TRERF1: variants seen among roughly 807,000 people sequenced by gnomAD.
TRERF1 encodes the protein transcriptional-regulating factor 1.
Under a neutral mutation model 122.9 loss-of-function variants are expected in TRERF1, and 27 were observed. That is an observed-to-expected ratio of 0.22 (90% confidence interval 0.16 to 0.30). The LOEUF (loss-of-function observed/expected upper bound fraction) is 0.30. Among genes scored for constraint, TRERF1 ranks in the 10% least tolerant of loss-of-function variants. The probability of loss-of-function intolerance (pLI) is 1.00; values close to 1 mark genes in which losing one functional copy is unlikely to be tolerated. For synonymous variants in TRERF1, 636 were observed against 641.7 expected (o/e 0.99, Z 0.13); for missense variants, 1,248 against 1,560.3 (o/e 0.80, Z 3.37).
chr6:42,324,703 A>G (rs1763993712), intron 3 of TRERF1, among the ~76,000 whole-genome samples: 1 of 152,262 alleles, frequency 6.6e-6, no homozygotes, highest in South Asian at 2.1e-4. Flanking sequence ...AACCATATGC[A>G]GAAGATTAAA....
In TRERF1 at chr6:42,263,816, T is replaced by A. The variant is rs1054581742; in HGVS notation, c.1636-248A>T. On this transcript the variant is annotated intron_variant, in intron 7 of 17. Coordinates refer to ENST00000372922, the Ensembl canonical transcript of TRERF1. The surrounding 1 kb of genome is among the most constrained non-coding windows in gnomAD (Gnocchi z 5.6). ...GCATTACTTGTGTATTAAACTATTT[T>A]AAAAAAATTGTGTGGTTGTCATGCT... is the stretch of plus-strand genomic sequence containing the variant. 2.6e-5 allele frequency among the ~76,000 whole-genome samples: 4 copies of A among 152,194 alleles called. No homozygotes were observed. Among genetic ancestry groups the A allele is most frequent in the East Asian group, 3.8e-4 (2 of 5,202 alleles).
At chr6:42,449,803 CAGTT>C (rs1788149017) in intron 2 of TRERF1, among the ~76,000 whole-genome samples, 1 of 152,296 alleles carries the variant, frequency 6.6e-6, no homozygotes, top group Admixed American at 6.5e-5. Flanking sequence ...AATCTGACGA[CAGTT>C]AGGAAAGAAA....
At chr6:42,443,240 G>A (rs1272248591) in intron 2 of TRERF1, among the ~76,000 whole-genome samples, 1 of 152,178 alleles carries the variant, frequency 6.6e-6, no homozygotes, top group African/African-American at 2.4e-5. Context: ...TAGGTGATGA[G>A]TACAAGAGAG....
chr6:42,305,793 G>A (rs757754081), intron 3 of TRERF1, among the ~76,000 whole-genome samples: 9 of 152,076 alleles, frequency 5.9e-5, no homozygotes, highest in Non-Finnish European at 8.8e-5. Flanking sequence ...AATTAAATGT[G>A]AGACAGGCTC....
chr6:42,239,740 G>C (rs1773193296), intron 15 of TRERF1, among the ~76,000 whole-genome samples: 1 of 151,960 alleles, frequency 6.6e-6, no homozygotes, highest in Non-Finnish European at 1.5e-5. Flanking sequence ...CCCTCCCCAG[G>C]ATCCCCATGA....
intron 2 of TRERF1, among the ~76,000 whole-genome samples, chr6:42,436,818 T>C (rs865812259): frequency 8.9e-6 from 1 of 112,424 alleles, no homozygotes; most frequent in Non-Finnish European, 1.8e-5. Context: ...AAAAAAAATA[T>C]ATATATATAT....
intron 2 of TRERF1, among the ~76,000 whole-genome samples, chr6:42,428,566 C>T (rs570537293): frequency 6.6e-6 from 1 of 152,354 alleles, no homozygotes; most frequent in South Asian, 2.1e-4. Flanking sequence ...TACATCACAG[C>T]ACACTGACAG....
intron 4 of TRERF1, among the ~76,000 whole-genome samples, chr6:42,281,572 G>A (rs895434086): frequency 6.6e-6 from 1 of 152,220 alleles, no homozygotes; most frequent in African/African-American, 2.4e-5. Flanking sequence ...AACCCTGTGT[G>A]CATGGTAAAC....
chr6:42,235,051 T>G (rs1322265866), intron 16 of TRERF1, among the ~76,000 whole-genome samples: 1 of 152,166 alleles, frequency 6.6e-6, no homozygotes, highest in Non-Finnish European at 1.5e-5. Flanking sequence ...TCTGTTCTCT[T>G]CAAAGTGAAT....
intron 3 of TRERF1, among the ~76,000 whole-genome samples, chr6:42,336,927 G>A (rs1367903273): frequency 2.0e-5 from 3 of 152,214 alleles, no homozygotes; most frequent in South Asian, 2.1e-4. Context: ...TGGCATGATC[G>A]TGGCTCCGGC....
intron 2 of TRERF1, among the ~76,000 whole-genome samples, chr6:42,404,246 T>C (rs1779855414): frequency 6.6e-6 from 1 of 152,158 alleles, no homozygotes; most frequent in African/African-American, 2.4e-5. Context: ...TTTCACCTTA[T>C]TTCTCTTGGG....
At chr6:42,322,151 C>A (rs1161293492) in intron 3 of TRERF1, among the ~76,000 whole-genome samples, 1 of 151,928 alleles carries the variant, frequency 6.6e-6, no homozygotes, top group Non-Finnish European at 1.5e-5. Flanking sequence ...TAGTAAGAAT[C>A]TTACTTATAA....
intron 2 of TRERF1, among the ~76,000 whole-genome samples, chr6:42,363,820 C>T (rs1171798573): frequency 6.6e-6 from 1 of 152,194 alleles, no homozygotes; most frequent in Non-Finnish European, 1.5e-5. Flanking sequence ...GAAACAGACC[C>T]TTCCCTGGAG....
At chr6:42,428,128 T>G (rs1783922500) in intron 2 of TRERF1, among the ~76,000 whole-genome samples, 3 of 152,182 alleles carry the variant, frequency 2.0e-5, no homozygotes, top group African/African-American at 7.2e-5. Flanking sequence ...GATTTTGGCC[T>G]CCTGAGCCTT....
At chr6:42,243,491 T>C (rs753021872) in intron 14 of TRERF1, 130 bp from the exon 15 acceptor site, 8 of 619,188 alleles carry the variant, frequency 1.3e-5, no homozygotes, top group Non-Finnish European at 2.3e-5. Flanking sequence ...AAAATGTACC[T>C]GGTGAAAGGC....
In TRERF1 at chr6:42,278,484, A is replaced by G. The variant is rs188789131; in HGVS notation, c.-258-8636T>C. The stretch of plus-strand genomic sequence containing the variant: ...AGGAGAAAGTAGCAGATGCAAATAC[A>G]GAGATCCTGTGGGAAACTTACAACC... On this transcript the variant is annotated intron_variant, in intron 4 of 17. Coordinates refer to ENST00000372922, the Ensembl canonical transcript of TRERF1. Among the ~76,000 whole-genome samples, 280 of 152,334 alleles carry G rather than the reference A, an allele frequency of 1.8e-3. 3 individuals carry two copies. Among genetic ancestry groups the G allele is most frequent in the African/African-American group, 6.4e-3 (264 of 41,568 alleles).
intron 3 of TRERF1, among the ~76,000 whole-genome samples, chr6:42,316,407 G>T (rs1762511174): frequency 6.6e-6 from 1 of 152,122 alleles, no homozygotes; most frequent in African/African-American, 2.4e-5. Context: ...CAGATGAAGG[G>T]GACTGCCTCA....
At chr6:42,420,291 C>G (rs1307812123) in intron 2 of TRERF1, among the ~76,000 whole-genome samples, 2 of 152,154 alleles carry the variant, frequency 1.3e-5, no homozygotes, top group Admixed American at 6.5e-5. Context: ...AGAAAAGAGG[C>G]CCCCTAAACT....
At chr6:42,249,944 A>G (rs1399214307) in intron 13 of TRERF1, among the ~76,000 whole-genome samples, 1 of 152,190 alleles carries the variant, frequency 6.6e-6, no homozygotes, top group Non-Finnish European at 1.5e-5. Context: ...GGGCTCTTGG[A>G]TTGAATTCCC....
Sources: gnomAD v4.1 joint callset for allele counts (sites outside exome capture counted in the v4.1 genomes callset) on GRCh38, gnomAD v4.1.1 for gene constraint, Gnocchi (gnomAD v3.1) non-coding constraint, MANE v1.5 for transcripts, NCBI Gene and HGNC (gene_info 2026-07-23, HGNC 2026-07-21) for gene names.